Variants in FCHSD2 observed in about 807,000 individuals in gnomAD.
FCHSD2 encodes FCH and double SH3 domains 2, also known as F-BAR and double SH3 domains protein 2.
FCHSD2 carries 38 observed loss-of-function variants against 108.1 expected under a neutral mutation model. The ratio of observed to expected loss-of-function variants is 0.35; its 90% confidence interval spans 0.27 to 0.46. The LOEUF (loss-of-function observed/expected upper bound fraction) is 0.46, where lower values mean the gene tolerates loss of function less well. FCHSD2 is among the 20% of genes least tolerant of loss of function. The pLI is 1.00. For synonymous variants in FCHSD2, 279 were observed against 314.7 expected (o/e 0.89, Z 1.20); for missense variants, 751 against 897.8 (o/e 0.84, Z 2.09).
At chr11:73,032,727 T>C (rs952546249) in intron 3 of FCHSD2, among the ~76,000 whole-genome samples, 1 of 150,060 alleles carries the variant, frequency 6.7e-6, no homozygotes, top group Non-Finnish European at 1.5e-5. Context: ...AATTGACATC[T>C]AAAAAAAAAG....
intron 13 of FCHSD2, among the ~76,000 whole-genome samples, chr11:72,853,179 GA>G (rs1377128336): frequency 3.3e-5 from 5 of 152,076 alleles, no homozygotes; most frequent in African/African-American, 9.7e-5. Flanking sequence ...AGAAAGCCCA[GA>G]AATAAACCTT....
chr11:73,134,613 G>C (rs953390965), intron 2 of FCHSD2, among the ~76,000 whole-genome samples: 1 of 152,208 alleles, frequency 6.6e-6, no homozygotes, highest in African/African-American at 2.4e-5. Flanking sequence ...TGTCTGCAAA[G>C]GCAGGACAGG....
chr11:72,978,902 G>T (rs1031697750), intron 8 of FCHSD2, among the ~76,000 whole-genome samples: 19 of 142,878 alleles, frequency 1.3e-4, no homozygotes, highest in Non-Finnish European at 2.7e-4. Flanking sequence ...TGTCACCCAG[G>T]CTGGAGTGCA....
chr11:73,139,997 A>C (rs1861210161), intron 2 of FCHSD2, 34 bp downstream of exon 2: 1 of 1,201,808 alleles, frequency 8.3e-7, no homozygotes, highest in Admixed American at 2.9e-5. Flanking sequence ...AAACAGACAA[A>C]CAGAAGTCCT....
At chr11:73,085,852 T>C (rs1326583682) in intron 2 of FCHSD2, among the ~76,000 whole-genome samples, 1 of 152,078 alleles carries the variant, frequency 6.6e-6, no homozygotes, top group Non-Finnish European at 1.5e-5. Context: ...ATCTCCAGTT[T>C]TCAACAAAAA....
At chr11:72,997,195 A>G (rs1222803141) in intron 5 of FCHSD2, among the ~76,000 whole-genome samples, 1 of 152,214 alleles carries the variant, frequency 6.6e-6, no homozygotes, top group Non-Finnish European at 1.5e-5. Flanking sequence ...AGATCAGAGC[A>G]TCAGAGCAGC....
intron 19 of FCHSD2, among the ~76,000 whole-genome samples, chr11:72,839,968 G>T (rs1860860562): frequency 6.6e-6 from 1 of 152,164 alleles, no homozygotes; most frequent in African/African-American, 2.4e-5. Flanking sequence ...AGAAAGGTAG[G>T]ACCAGAGAGG....
intron 2 of FCHSD2, among the ~76,000 whole-genome samples, chr11:73,117,649 G>T (rs1333278900): frequency 6.6e-6 from 1 of 152,142 alleles, no homozygotes; most frequent in African/African-American, 2.4e-5. Flanking sequence ...ACAAGTAGGG[G>T]AATGGGAAGA....
chr11:72,959,170 A>C (rs1203650529), intron 8 of FCHSD2, among the ~76,000 whole-genome samples: 5 of 146,454 alleles, frequency 3.4e-5, no homozygotes, highest in Non-Finnish European at 3.0e-5. Context: ...AGAAATTTCA[A>C]TCCTGGTTTC....
At chr11:72,985,659 G>A (rs1479942376) in intron 6 of FCHSD2, among the ~76,000 whole-genome samples, 1 of 145,390 alleles carries the variant, frequency 6.9e-6, no homozygotes. Context: ...CTGCTCTAAG[G>A]GGGTATTCTG....
chr11:73,000,936 A>T, intron 5 of FCHSD2, 54 bp downstream of exon 5: 1 of 1,460,678 alleles, frequency 6.8e-7, no homozygotes, highest in South Asian at 1.3e-5. Context: ...TGCAGATTAT[A>T]AATGTAGCAC....
chr11:73,127,645 C>T (rs1274573364), intron 2 of FCHSD2, among the ~76,000 whole-genome samples: 1 of 152,200 alleles, frequency 6.6e-6, no homozygotes, highest in Non-Finnish European at 1.5e-5. Flanking sequence ...CTCAGATAAA[C>T]AGCTTCAGAC....
intron 9 of FCHSD2, among the ~76,000 whole-genome samples, chr11:72,910,143 G>C (rs1209313197): frequency 6.7e-6 from 1 of 149,332 alleles, no homozygotes; most frequent in Non-Finnish European, 1.5e-5. Context: ...CCTCTGCCCG[G>C]CTGCCCCATC....
At chr11:72,841,385 C>G in intron 18 of FCHSD2, 69 bp downstream of exon 18, 1 of 1,257,454 alleles carries the variant, frequency 8.0e-7, no homozygotes, top group Non-Finnish European at 1.1e-6. Context: ...TTTTTTTTTG[C>G]CCTTCAGGCG....
intron 14 of FCHSD2, among the ~76,000 whole-genome samples, chr11:72,846,953 T>C (rs991980946): frequency 1.3e-5 from 2 of 152,226 alleles, no homozygotes; most frequent in African/African-American, 4.8e-5. Context: ...AGTATATGAA[T>C]GTCTAGTTTA....
At chr11:72,944,335 G>A (rs1171305495) in intron 8 of FCHSD2, among the ~76,000 whole-genome samples, 2 of 152,140 alleles carry the variant, frequency 1.3e-5, no homozygotes, top group African/African-American at 4.8e-5. Context: ...AAAGGCCTTT[G>A]ACAAAATTCA....
At chr11:72,875,889 G>C (rs1854958738) in intron 12 of FCHSD2, among the ~76,000 whole-genome samples, 1 of 152,206 alleles carries the variant, frequency 6.6e-6, no homozygotes, top group Non-Finnish European at 1.5e-5. Context: ...CCATGCTGGG[G>C]AAGTCCAGTT....
rs1253380910 is a variant in FCHSD2 at position 73,112,399 on chromosome 11, T to C, written c.119+27632A>G. Among the ~76,000 whole-genome samples, 3 of 152,208 alleles carry C rather than the reference T, an allele frequency of 2.0e-5. No individual in the cohort carries two copies. In the East Asian group the frequency reaches 5.8e-4, roughly 29 times the overall value. On this transcript the variant is annotated intron_variant, in intron 2 of 19. Transcript: ENST00000409418. The stretch of plus-strand genomic sequence containing the variant: ...ATTATGTGTTTTTGTTTCTTTTCTC[T>C]TGCTGCTTTTAGGATCTGTTCTTTA...
intron 9 of FCHSD2, among the ~76,000 whole-genome samples, chr11:72,915,630 C>T (rs1021515759): frequency 6.6e-6 from 1 of 152,010 alleles, no homozygotes; most frequent in Non-Finnish European, 1.5e-5. Context: ...ACCAGCCTGG[C>T]CAACAAGGCA....
Sources: allele counts gnomAD v4.1 joint callset (sites outside exome capture counted in the v4.1 genomes callset), GRCh38; gene constraint gnomAD v4.1.1; transcripts MANE v1.5; gene names NCBI Gene and HGNC (gene_info 2026-07-23, HGNC 2026-07-21).